DHX35: variants seen among roughly 807,000 people sequenced by gnomAD.
DHX35 encodes the protein probable ATP-dependent RNA helicase DHX35.
Under a neutral mutation model 99.6 loss-of-function variants are expected in DHX35, and 84 were observed. The observed-to-expected ratio is 0.84, with a 90% CI of 0.71 to 1.01. The LOEUF (loss-of-function observed/expected upper bound fraction) is 1.01, where lower values mean the gene tolerates loss of function less well. Among genes scored for constraint, DHX35 ranks in the 50% least tolerant of loss-of-function variants. The pLI is 0.00. For missense variants in DHX35, 852 were observed against 888.5 expected (o/e 0.96, Z 0.52); for synonymous variants, 331 against 316.2 (o/e 1.05, Z -0.50).
intron 20 of DHX35, 48 bp from the exon 21 acceptor site, chr20:39,034,158 T>C (rs765343410): frequency 3.6e-6 from 5 of 1,395,630 alleles, no homozygotes; most frequent in South Asian, 2.3e-5. Flanking sequence ...GGTTCCTGAC[T>C]GTCATCACAA....
intron 3 of DHX35, among the ~76,000 whole-genome samples, chr20:38,976,127 G>T: frequency 6.6e-6 from 1 of 151,480 alleles, no homozygotes; most frequent in South Asian, 2.1e-4. Context: ...AACAAAGGTA[G>T]TTTTTTTTTC....
At chr20:38,970,926 A>G (rs1382371825) in intron 2 of DHX35, among the ~76,000 whole-genome samples, 3 of 152,224 alleles carry the variant, frequency 2.0e-5, no homozygotes, top group Non-Finnish European at 1.5e-5. Flanking sequence ...TTACTGATAT[A>G]AAGCAAAGCA....
chr20:38,970,180 C>T (rs2085973034), intron 2 of DHX35, among the ~76,000 whole-genome samples: 1 of 152,206 alleles, frequency 6.6e-6, no homozygotes, highest in Non-Finnish European at 1.5e-5. Flanking sequence ...GCCTCGGCCT[C>T]CCAAAGTGCT....
Position 38,988,893 on chromosome 20 carries a change from C to T in DHX35, c.426C>T (p.Thr142=), listed in dbSNP as rs35327116. Residue 142 remains threonine (T), a synonymous_variant, in exon 5 of 22, where the codon ACC becomes ACT. Transcript: ENST00000252011. ...ACTGCATCCGCTTTGATGACTGCAC[C>T]GACCAGCTGGCCACGAGAATTAAGG... ...VGYCIRFDDC[T]DQLATRIKFL... The T allele has an allele frequency of 1.2e-4, 191 of 1,613,186 alleles. No individual in the cohort carries two copies. The African/African-American group carries it at 2.1e-3, about 18-fold the overall frequency.
chr20:39,037,588 CTAAG>C lies in DHX35; in HGVS notation c.2068-908_2068-905del, dbSNP rs142157319. 3.7e-3 allele frequency among the ~76,000 whole-genome samples: 565 copies of C among 152,268 alleles called. 1 individual carries two copies. The highest frequency in any genetic ancestry group is 0.013 in the African/African-American group (543 of 41,540). On this transcript the variant is annotated intron_variant, in intron 21 of 21. Transcript: ENST00000252011. The stretch of plus-strand genomic sequence containing the variant: ...GATGTTGTGGGGCCATGTGGCTGTG[CTAAG>C]TAGTGGGCACACCAGCTCCGGAGCA...
intron 20 of DHX35, among the ~76,000 whole-genome samples, chr20:39,033,113 G>C (rs1397232091): frequency 6.6e-6 from 1 of 152,118 alleles, no homozygotes; most frequent in Non-Finnish European, 1.5e-5. Flanking sequence ...GCACGTGGCT[G>C]TAGTACTAGC....
intron 7 of DHX35, among the ~76,000 whole-genome samples, chr20:38,993,671 G>T: frequency 6.7e-6 from 1 of 149,212 alleles, no homozygotes; most frequent in East Asian, 2.0e-4. Context: ...GGCCACATTG[G>T]CTATTTTTCT....
intron 8 of DHX35, among the ~76,000 whole-genome samples, chr20:38,998,347 G>T (rs2086463240): frequency 6.6e-6 from 1 of 152,234 alleles, no homozygotes; most frequent in Admixed American, 6.5e-5. Context: ...ATCAGCTGGG[G>T]TCAGGTCTCC....
In DHX35 at chr20:38,991,460, A is replaced by C. The variant is rs149182721; in HGVS notation, c.457A>C (p.Thr153Pro). Reference sequence around the variant, plus strand: ...TTGTGTTTTTATTTTTTAGTTTCTTACTGATGGAATGCTGGTCAGGGAAAT... The same window carrying C: ...TTGTGTTTTTATTTTTTAGTTTCTTCCTGATGGAATGCTGGTCAGGGAAAT... ...DQLATRIKFL[T>P]DGMLVREMMV... The change falls in exon 6 of 22, where the codon ACT (threonine) becomes CCT (proline). Residue 153 changes from threonine (T) to proline (P), a missense_variant. Thr to Pro is a conservative substitution (Grantham distance 38). Coordinates refer to ENST00000252011, the MANE Select transcript of DHX35 (RefSeq NM_021931.4). The C allele has an allele frequency of 6.2e-7, 1 of 1,612,810 alleles. No individual in the cohort carries two copies. The highest frequency in any genetic ancestry group is 1.3e-5 in the African/African-American group (1 of 74,944).
chr20:39,038,717 C>T lies in DHX35; in HGVS notation c.*174C>T, dbSNP rs1170057168. On this transcript the variant is annotated 3_prime_UTR_variant, in exon 22 of 22. Coordinates refer to ENST00000252011, the MANE Select transcript of DHX35 (RefSeq NM_021931.4). ...TTCCCGCTGCCCACAGCATTTGCAT[C>T]CTTGCTGGGATCCTGGAGGACTTTG... The T allele has an allele frequency of 3.1e-6, 2 of 647,782 alleles. No homozygotes were observed. Among genetic ancestry groups the T allele is most frequent in the Non-Finnish European group, 5.3e-6 (2 of 377,954 alleles). The allele number at this position is 647,782 out of a possible 1,614,324, so 40.1% of individuals were successfully genotyped here. A position where few individuals can be genotyped will look rare whatever the true frequency, so the allele number is the denominator to read the frequency against.
At chr20:38,977,743 C>T in intron 3 of DHX35, 1 of 423,826 alleles carries the variant, frequency 2.4e-6, no homozygotes, top group Admixed American at 3.5e-5. Flanking sequence ...GTGTTTTCTA[C>T]AGAACTTTTG....
At chr20:39,017,030 A>C (rs560384741) in intron 14 of DHX35, among the ~76,000 whole-genome samples, 1 of 152,056 alleles carries the variant, frequency 6.6e-6, no homozygotes, top group Non-Finnish European at 1.5e-5. Flanking sequence ...TGCAGTACAA[A>C]AATTTTAAGT....
chr20:39,003,901 C>G lies in DHX35; in HGVS notation c.1005C>G (p.Val335=), dbSNP rs1446819571. 2 of 1,613,970 alleles carry G rather than the reference C, an allele frequency of 1.2e-6. No homozygotes were observed. The highest frequency in any genetic ancestry group is 3.3e-5 in the Admixed American group (2 of 60,000). ...TGTTTGAAAGGGTGTCACGCAGTGT[C>G]AGAAAGGTGAGACTATCCTGATGAC... ...MKVFERVSRS[V]RKVIVATNVA... is the part of the protein sequence containing the mutation. Residue 335 remains valine, a synonymous_variant, in exon 11 of 22, where the codon GTC becomes GTG. Transcript: ENST00000252011.
chr20:39,030,062 C>G (rs1036434321), intron 19 of DHX35: 1 of 152,034 alleles, frequency 6.6e-6, no homozygotes, highest in Non-Finnish European at 1.5e-5. Context: ...TCATCGCAAC[C>G]TTTGCCTCCC....
At chr20:38,991,407 G>T (rs1280982125) in intron 5 of DHX35, 47 bp from the exon 6 acceptor site, 1 of 1,539,972 alleles carries the variant, frequency 6.5e-7, no homozygotes, top group Admixed American at 1.8e-5. Flanking sequence ...CCATTAATAT[G>T]TAGTGTAAGT....
chr20:38,982,758 C>CT (rs2095769592), intron 3 of DHX35, among the ~76,000 whole-genome samples: 1 of 152,046 alleles, frequency 6.6e-6, no homozygotes. Flanking sequence ...CTTTTAAAAT[C>CT]TTTTTTCTAT....
At chr20:39,014,729 T>A in intron 13 of DHX35, 151 bp from the exon 14 acceptor site, 1 of 909,152 alleles carries the variant, frequency 1.1e-6, no homozygotes, top group Non-Finnish European at 1.8e-6. Context: ...GAAGGACATT[T>A]CAAGAGGTGC....
chr20:38,984,707 C>T lies in DHX35; in HGVS notation c.345+931C>T, dbSNP rs150872450. ...TCCCTTTCTCCATTTGTTGTAGATA[C>T]AGTCCTGTCATTTTCATTTCAAGAT... On this transcript the variant is annotated intron_variant, in intron 4 of 21. Transcript: ENST00000252011. 6.5e-3 allele frequency among the ~76,000 whole-genome samples: 993 copies of T among 152,254 alleles called. 8 individuals are homozygous for T. The highest frequency in any genetic ancestry group is 0.023 in the African/African-American group (940 of 41,558).
chr20:38,986,504 G>A (rs368515432), intron 4 of DHX35, among the ~76,000 whole-genome samples: 1 of 152,036 alleles, frequency 6.6e-6, no homozygotes, highest in African/African-American at 2.4e-5. Context: ...GTTAATTTAT[G>A]CTCATTTTTT....
Sources: allele counts gnomAD v4.1 joint callset (sites outside exome capture counted in the v4.1 genomes callset), GRCh38; gene constraint gnomAD v4.1.1; transcripts MANE v1.5; gene names NCBI Gene and HGNC (gene_info 2026-07-23, HGNC 2026-07-21).